ULK1: variants seen among roughly 807,000 people sequenced by gnomAD.
ULK1 encodes the protein unc-51 like autophagy activating kinase 1.
In ULK1, 48 loss-of-function variants were observed where a neutral mutation model predicts 117.5. The ratio of observed to expected loss-of-function variants is 0.41; its 90% confidence interval spans 0.32 to 0.52. ULK1 has a LOEUF of 0.52. ULK1 is among the 20% of genes least tolerant of loss of function. The pLI, the probability that ULK1 is intolerant of heterozygous loss-of-function variation, is 0.29. For missense variants in ULK1, 1,387 were observed against 1,473.4 expected (o/e 0.94, Z 0.96); for synonymous variants, 790 against 637.8 (o/e 1.24, Z -3.60).
chr12:131,906,590 G>T, intron 3 of ULK1: 1 of 461,362 alleles, frequency 2.2e-6, no homozygotes, highest in Non-Finnish European at 4.0e-6. Flanking sequence ...ACACACACCT[G>T]CCCACACACC....
In ULK1 at chr12:131,921,202, T is replaced by A. The variant is rs767437526; in HGVS notation, c.3064T>A (p.Ser1022Thr). The A allele has an allele frequency of 4.4e-6, 7 of 1,606,444 alleles. No individual in the cohort carries two copies. Among genetic ancestry groups the A allele is most frequent in the Non-Finnish European group, 5.9e-6 (7 of 1,179,862 alleles). The change falls in exon 27 of 28, where the codon TCG becomes ACG. Residue 1022 changes from serine to threonine, a missense_variant. By Grantham distance (58) the Ser-to-Thr change is moderately conservative (BLOSUM62 1). Coordinates refer to ENST00000321867, the MANE Select transcript of ULK1 (RefSeq NM_003565.4). ...CCTGGAGGGGCTGCAGCACATGCTC[T>A]CGGACCAGGCCGACATCGAGAACGT... ...LLLEGLQHMLSDQADIENVTK... is the reference protein window; with the variant it reads ...LLLEGLQHMLTDQADIENVTK...
chr12:131,895,672 G>A lies in ULK1; in HGVS notation c.183G>A (p.Gly61=). ...TCGCCAAGTCTCAGACGCTGCTGGG[G>A]AAGGAAATCAAAATCCTGAAGGTGA... ...KNLAKSQTLL[G]KEIKILKELK... The change falls in exon 2 of 28, where the codon GGG becomes GGA. Residue 61 remains glycine, a synonymous_variant. Transcript: ENST00000321867. The A allele has an allele frequency of 6.2e-7, 1 of 1,614,142 alleles. No individual in the cohort carries two copies. The highest frequency in any genetic ancestry group is 1.3e-5 in the African/African-American group (1 of 75,062).
intron 25 of ULK1, 180 bp from the exon 26 acceptor site, chr12:131,919,799 G>A (rs1365989684): frequency 9.5e-7 from 1 of 1,056,946 alleles, no homozygotes; most frequent in African/African-American, 1.6e-5. Flanking sequence ...CAGAGGCCGT[G>A]GGGTCGGATG....
chr12:131,909,079 C>T (rs1473804124), intron 7 of ULK1, 57 bp from the exon 8 acceptor site: 3 of 1,604,464 alleles, frequency 1.9e-6, no homozygotes, highest in Admixed American at 1.7e-5. Context: ...GCCTGGCGGG[C>T]ACCTTCTGTG....
chr12:131,909,330 C>T (rs1438795182), intron 8 of ULK1, 93 bp downstream of exon 8: 9 of 1,355,424 alleles, frequency 6.6e-6, no homozygotes, highest in Middle Eastern at 2.4e-4. Flanking sequence ...CTGCCCGCGC[C>T]CCACGAGCTC....
rs138037597 is a variant in ULK1 at position 131,902,323 on chromosome 12, C to T, written c.247-4569C>T. 1.7e-3 allele frequency among the ~76,000 whole-genome samples: 262 copies of T among 152,282 alleles called. No homozygotes were observed. Among genetic ancestry groups the T allele is most frequent in the Non-Finnish European group, 2.0e-3 (134 of 68,008 alleles). ...CCAGGCCCAGCCCAGGATCACCAGA[C>T]AAGAGTAGGGCTGGCAGAGGGTGGG... is the stretch of plus-strand genomic sequence containing the variant. On this transcript the variant is annotated intron_variant, in intron 3 of 27. Transcript: ENST00000321867. This position sits in a 1 kb window ranked among gnomAD's most constrained non-coding sequence, Gnocchi z 6.3.
In ULK1 at chr12:131,902,893, C is replaced by A. The variant is rs1889141130; in HGVS notation, c.247-3999C>A. ...GGTGTCTTAACTGGGTGACTTGATT[C>A]TGGGAGCTTGCCCGGTCCCCACTGC... On this transcript the variant is annotated intron_variant, in intron 3 of 27. Coordinates refer to ENST00000321867, the MANE Select transcript of ULK1 (RefSeq NM_003565.4). The surrounding 1 kb of genome is among the most constrained non-coding windows in gnomAD (Gnocchi z 6.3). Among the ~76,000 whole-genome samples the A allele has an allele frequency of 1.3e-5, 2 of 152,160 alleles. No individual in the cohort carries two copies. Among genetic ancestry groups the A allele is most frequent in the Admixed American group, 6.5e-5 (1 of 15,280 alleles).
Position 131,913,750 on chromosome 12 carries a change from C to T in ULK1, c.1161C>T (p.Ser387=). Residue 387 remains serine (S), a synonymous_variant, in exon 15 of 28, where the codon AGC becomes AGT. Coordinates refer to ENST00000321867, the MANE Select transcript of ULK1 (RefSeq NM_003565.4). ...TGGCCTCCCTTCTGCCCCACAGGAG[C>T]TCACTGGTGGCCTCTGCGGGCTTGG... ...PPPDSLMCSG[S]SLVASAGLES... is the part of the protein sequence containing the mutation. 3.9e-6 allele frequency: 6 copies of T among 1,532,326 alleles called. No individual in the cohort carries two copies. In the South Asian group the frequency reaches 7.4e-5, roughly 19 times the overall value. 94.9% of individuals were successfully genotyped at this position (1,532,326 alleles called of 1,614,324 possible).
rs530065993 is a variant in ULK1 at position 131,902,740 on chromosome 12, G to A, written c.247-4152G>A. Among the ~76,000 whole-genome samples the A allele has an allele frequency of 3.9e-5, 6 of 152,200 alleles. No individual in the cohort carries two copies. The highest frequency in any genetic ancestry group is 3.9e-4 in the East Asian group (2 of 5,152). On this transcript the variant is annotated intron_variant, in intron 3 of 27. Coordinates refer to ENST00000321867, the MANE Select transcript of ULK1 (RefSeq NM_003565.4). This position sits in a 1 kb window ranked among gnomAD's most constrained non-coding sequence, Gnocchi z 6.3. ...TGGTGTGTTTGATTAGGGCATGGGC[G>A]GTGTGGCCACAACTGTGTGTGTCAC...
rs145710836 is a variant in ULK1, at chr12:131,914,370, C to A, written c.1266C>A (p.Ser422=). 97 of 1,611,698 alleles carry A rather than the reference C, an allele frequency of 6.0e-5. No homozygotes were observed. The highest frequency in any genetic ancestry group is 1.5e-4 in the Admixed American group (9 of 60,008). ...PSPSGRAGPF[S]SSRCGASVPI... ...ACCACAGCCGGGCTGGCCCGTTCTC[C>A]AGCAGCAGGTGCGGCGCCTCTGTCC... is the stretch of plus-strand genomic sequence containing the variant. The change falls in exon 16 of 28, where the codon TCC becomes TCA. Residue 422 remains serine, a synonymous_variant. Transcript: ENST00000321867.
chr12:131,895,756 G>A, intron 2 of ULK1, 27 bp from the exon 3 acceptor site: 3 of 1,614,098 alleles, frequency 1.9e-6, no homozygotes, highest in African/African-American at 1.3e-5. Context: ...TCCCCACACT[G>A]ATAACAAACT....
At position 131,908,808 on chromosome 12, in the gene ULK1, G is replaced by C; in HGVS notation, c.481G>C (p.Val161Leu). ...GRRANPNSIR[V>L]KIADFGFARY... ...CCGCGCCAACCCCAACAGCATCCGCGTCAAGATCGGTCAGCCCGCGGGCAG... is the reference window on the plus strand; with the variant it reads ...CCGCGCCAACCCCAACAGCATCCGCCTCAAGATCGGTCAGCCCGCGGGCAG... The change falls in exon 6 of 28, where the codon GTC (valine) becomes CTC (leucine). Residue 161 changes from valine (V) to leucine (L), a missense_variant. Coordinates refer to ENST00000321867, the MANE Select transcript of ULK1 (RefSeq NM_003565.4). 6.2e-7 allele frequency: 1 copy of C among 1,606,006 alleles called. No individual in the cohort carries two copies. The highest frequency in any genetic ancestry group is 8.5e-7 in the Non-Finnish European group (1 of 1,176,936).
rs373238615 is a variant in ULK1, at chr12:131,915,071, C to T, written c.1374-12C>T. 23 of 1,530,500 alleles carry T rather than the reference C, an allele frequency of 1.5e-5. No homozygotes were observed. The African/African-American group carries it at 1.7e-4, about 11-fold the overall frequency. 94.8% of individuals were successfully genotyped at this position (1,530,500 alleles called of 1,614,324 possible). On this transcript the variant is annotated splice_polypyrimidine_tract_variant and intron_variant, in intron 16 of 27. Coordinates refer to ENST00000321867, the MANE Select transcript of ULK1 (RefSeq NM_003565.4). ...CTGAGGCCTCCCCTCCTAATATCTG[C>T]CTTGTCTTCAGGTCCTCTGCCATCC...
rs970248765 is a variant in ULK1, at chr12:131,921,687, A to C, written c.*326A>C. The stretch of plus-strand genomic sequence containing the variant: ...GCCCCGGAGGACAGGCAAGGGCCTG[A>C]GACCACTGCCGACTCAAAGCCAAAG... On this transcript the variant is annotated 3_prime_UTR_variant, in exon 28 of 28. Coordinates refer to ENST00000321867, the MANE Select transcript of ULK1 (RefSeq NM_003565.4). 1.6e-6 allele frequency: 1 copy of C among 608,590 alleles called. No homozygotes were observed. Among genetic ancestry groups the C allele is most frequent in the Non-Finnish European group, 3.0e-6 (1 of 331,120 alleles). 37.7% of individuals were successfully genotyped at this position (608,590 alleles called of 1,614,324 possible). A position where few individuals can be genotyped will look rare whatever the true frequency, so the allele number is the denominator to read the frequency against.
chr12:131,901,271 A>G (rs1889075911), intron 3 of ULK1, among the ~76,000 whole-genome samples: 1 of 151,610 alleles, frequency 6.6e-6, no homozygotes, highest in Non-Finnish European at 1.5e-5. Flanking sequence ...AGGCAGGAGA[A>G]TCGCTTGAAC....
At chr12:131,913,318 G>T in intron 14 of ULK1, 60 bp downstream of exon 14, 1 of 1,463,076 alleles carries the variant, frequency 6.8e-7, no homozygotes, top group Non-Finnish European at 9.1e-7. Flanking sequence ...CTTGGAAGTG[G>T]CCCGTGTTAT....
rs762992420 is a variant in ULK1, at chr12:131,919,464, G to C, written c.2685-8G>C. On this transcript the variant is annotated splice_region_variant and splice_polypyrimidine_tract_variant and intron_variant, in intron 24 of 27. Coordinates refer to ENST00000321867, the MANE Select transcript of ULK1 (RefSeq NM_003565.4). ...ACCGGCCTCCTCTGATCTGCCTGCC[G>C]CCCCCAGCTTCGCGGAACAGCTGGT... The C allele has an allele frequency of 6.2e-7, 1 of 1,608,112 alleles. No homozygotes were observed.
intron 21 of ULK1, 128 bp downstream of exon 21, chr12:131,917,190 G>GGCTGTGGAA: frequency 2.1e-5 from 1 of 47,200 alleles, no homozygotes; most frequent in Non-Finnish European, 5.2e-5. Context: ...TGGGGGTCGG[G>GGCTGTGGAA]TGGGGCTTGG....
intron 26 of ULK1, chr12:131,920,876 C>T (rs7300908): frequency 0.062 from 37,392 of 602,810 alleles, 3,447 homozygotes; most frequent in African/African-American, 0.31. Flanking sequence ...GTCCTGGGGC[C>T]GGGCTGAGAG....
Sources: allele counts gnomAD v4.1 joint callset (sites outside exome capture counted in the v4.1 genomes callset), GRCh38; gene constraint gnomAD v4.1.1; non-coding constraint Gnocchi (gnomAD v3.1); transcripts MANE v1.5; gene names NCBI Gene and HGNC (gene_info 2026-07-23, HGNC 2026-07-21).